Variants in PRICKLE1 observed in about 807,000 individuals in gnomAD.
PRICKLE1 encodes the protein prickle planar cell polarity protein 1.
A neutral mutation model predicts 70.2 loss-of-function variants in PRICKLE1; 14 were observed. That is an observed-to-expected ratio of 0.20 (90% confidence interval 0.13 to 0.31). The LOEUF (loss-of-function observed/expected upper bound fraction) is 0.31, where lower values mean the gene tolerates loss of function less well. Ranked by LOEUF, PRICKLE1 falls within the 10% of genes least tolerant of loss-of-function variation. PRICKLE1 has a pLI of 1.00. For synonymous variants in PRICKLE1, 357 were observed against 379.9 expected (o/e 0.94, Z 0.70); for missense variants, 821 against 1,026.2 (o/e 0.80, Z 2.73).
intron 1 of PRICKLE1, among the ~76,000 whole-genome samples, chr12:42,564,212 C>A (rs145902679): frequency 7.3e-6 from 1 of 136,148 alleles, no homozygotes; most frequent in Non-Finnish European, 1.5e-5. Context: ...GCCAAGATCA[C>A]GCCACTGCAC....
intron 1 of PRICKLE1, among the ~76,000 whole-genome samples, chr12:42,503,615 T>C (rs1939354398): frequency 6.6e-6 from 1 of 152,226 alleles, no homozygotes; most frequent in African/African-American, 2.4e-5. Context: ...CTGACTTCAA[T>C]ACTTGTTCTA....
intron 1 of PRICKLE1, among the ~76,000 whole-genome samples, chr12:42,582,037 A>C (rs1051889430): frequency 3.9e-5 from 6 of 152,356 alleles, no homozygotes; most frequent in Admixed American, 3.9e-4. Flanking sequence ...GGTTAAAAAA[A>C]ATATGTTCCC....
At position 42,516,299 on chromosome 12, in the gene PRICKLE1, G is replaced by A. The variant is rs538077891; in HGVS notation, c.-48-43735C>T. 1.1e-3 allele frequency among the ~76,000 whole-genome samples: 164 copies of A among 151,954 alleles called. 1 individual carries two copies. The highest frequency in any genetic ancestry group is 3.8e-3 in the African/African-American group (156 of 41,462). On this transcript the variant is annotated intron_variant, in intron 1 of 7. Coordinates refer to ENST00000345127, the MANE Select transcript of PRICKLE1 (RefSeq NM_153026.3). ...GGTGCCCACCACCACGCCTGGCTAA[G>A]TTTTTGTATTTTTTAGTAGAGACGG...
At chr12:42,466,861 T>C (rs1938113533) in intron 5 of PRICKLE1, among the ~76,000 whole-genome samples, 1 of 152,224 alleles carries the variant, frequency 6.6e-6, no homozygotes, top group South Asian at 2.1e-4. Flanking sequence ...TTTGACTTGG[T>C]GGCCATCTCT....
chr12:42,483,229 G>T (rs1431790435), intron 1 of PRICKLE1: 1 of 152,420 alleles, frequency 6.6e-6, no homozygotes, highest in African/African-American at 2.4e-5. Flanking sequence ...GCGGCTGGAC[G>T]GTGGGGCCGA....
chr12:42,569,462 C>A (rs1940672841), intron 1 of PRICKLE1, among the ~76,000 whole-genome samples: 1 of 152,192 alleles, frequency 6.6e-6, no homozygotes, highest in South Asian at 2.1e-4. Flanking sequence ...TGCCTCCTTT[C>A]TTCCTGTTGG....
intron 1 of PRICKLE1, chr12:42,490,065 A>G (rs1371802586): frequency 1.3e-5 from 2 of 152,252 alleles, no homozygotes; most frequent in Non-Finnish European, 2.9e-5. Flanking sequence ...CAAAAAAGTG[A>G]GGAAAATAAA....
At chr12:42,469,694 C>T (rs1249218393) in intron 3 of PRICKLE1, 107 bp from the exon 4 acceptor site, 12 of 1,437,968 alleles carry the variant, frequency 8.3e-6, no homozygotes, top group Admixed American at 7.0e-5. Flanking sequence ...AAGTTTAGCT[C>T]GCCTGTGTCA....
intron 1 of PRICKLE1, among the ~76,000 whole-genome samples, chr12:42,519,193 CTTTTTTTTT>C (rs11342397): frequency 2.0e-5 from 2 of 99,190 alleles, no homozygotes; most frequent in Non-Finnish European, 3.8e-5. Context: ...CCTTTTTTTC[CTTTTTTTTT>C]TTTTTTTTTT....
At chr12:42,479,389 T>C (rs1938705449) in intron 1 of PRICKLE1, among the ~76,000 whole-genome samples, 3 of 152,314 alleles carry the variant, frequency 2.0e-5, no homozygotes, top group East Asian at 3.9e-4. Flanking sequence ...ACCATACACA[T>C]AGCGTGTGTG....
chr12:42,502,399 C>G (rs972531434), intron 1 of PRICKLE1, among the ~76,000 whole-genome samples: 2 of 151,876 alleles, frequency 1.3e-5, no homozygotes, highest in Non-Finnish European at 2.9e-5. Flanking sequence ...CCTCAAACTC[C>G]TGGGCTCAAG....
intron 1 of PRICKLE1, among the ~76,000 whole-genome samples, chr12:42,519,758 G>A (rs993102977): frequency 1.3e-5 from 2 of 152,192 alleles, no homozygotes; most frequent in African/African-American, 2.4e-5. Context: ...GGGGTGGGCT[G>A]AGGCTGGGTA....
chr12:42,469,074 C>A (rs1938216713), intron 4 of PRICKLE1, among the ~76,000 whole-genome samples: 1 of 152,148 alleles, frequency 6.6e-6, no homozygotes, highest in Non-Finnish European at 1.5e-5. Flanking sequence ...AGTGGTTTTC[C>A]TGTGCCAGCC....
In PRICKLE1 at chr12:42,476,382, ATGTTGGT is replaced by A. The variant is rs1215902406; in HGVS notation, c.-48-3825_-48-3819del. 6.2e-4 allele frequency among the ~76,000 whole-genome samples: 94 copies of A among 151,826 alleles called. 1 individual carries two copies. The highest frequency in any genetic ancestry group is 1.9e-3 in the African/African-American group (77 of 41,430). On this transcript the variant is annotated intron_variant, in intron 1 of 7. Coordinates refer to ENST00000345127, the MANE Select transcript of PRICKLE1 (RefSeq NM_153026.3). The stretch of plus-strand genomic sequence containing the variant: ...TTTTTAGTAGAGACGGGGTTTCTCC[ATGTTGGT>A]CAGGCTGGTCTTGAACTCCTGACCT...
chr12:42,580,559 C>T lies in PRICKLE1; in HGVS notation c.-49+8906G>A, dbSNP rs150327074. Among the ~76,000 whole-genome samples the T allele has an allele frequency of 3.3e-5, 5 of 152,082 alleles. No homozygotes were observed. The East Asian group carries it at 5.8e-4, about 18-fold the overall frequency. ...GTTTTAAATTGGGAGATACTTTGTG[C>T]GAGAGGTGTTTGCAAGTTGACAAAA... On this transcript the variant is annotated intron_variant, in intron 1 of 7. Transcript: ENST00000345127.
chr12:42,475,591 C>T lies in PRICKLE1; in HGVS notation c.-48-3027G>A, dbSNP rs1487688494. ...CCTGCGCTGCAGACACACAAAATGA[C>T]ACAACTGGAAGGTAGTCCACTTTAC... On this transcript the variant is annotated intron_variant, in intron 1 of 7. Coordinates refer to ENST00000345127, the MANE Select transcript of PRICKLE1 (RefSeq NM_153026.3). Among the ~76,000 whole-genome samples the T allele has an allele frequency of 2.6e-5, 4 of 152,130 alleles. No individual in the cohort carries two copies. The East Asian group carries it at 7.7e-4, about 29-fold the overall frequency.
Position 42,481,432 on chromosome 12 carries a change from T to A in PRICKLE1, c.-48-8868A>T, listed in dbSNP as rs28673006. Among the ~76,000 whole-genome samples the A allele has an allele frequency of 4.0e-3, 608 of 152,328 alleles. 5 individuals carry two copies. Among genetic ancestry groups the A allele is most frequent in the African/African-American group, 0.013 (552 of 41,582 alleles). On this transcript the variant is annotated intron_variant, in intron 1 of 7. Transcript: ENST00000345127. Reference sequence around the variant, plus strand: ...TGAAAAAGTATTTCTTGTGTGAACATGCCCAGGGAAGTTAGAAATCCTCTG... The same window carrying A: ...TGAAAAAGTATTTCTTGTGTGAACAAGCCCAGGGAAGTTAGAAATCCTCTG...
At chr12:42,564,586 C>T (rs531162738) in intron 1 of PRICKLE1, among the ~76,000 whole-genome samples, 3 of 151,856 alleles carry the variant, frequency 2.0e-5, no homozygotes, top group Non-Finnish European at 2.9e-5. Flanking sequence ...TCAGCCTGGG[C>T]GACAAGAGTG....
At chr12:42,508,169 G>T (rs1327849634) in intron 1 of PRICKLE1, among the ~76,000 whole-genome samples, 1 of 151,384 alleles carries the variant, frequency 6.6e-6, no homozygotes, top group Non-Finnish European at 1.5e-5. Context: ...GAAGGAGGGG[G>T]GAACAGGAAA....
Sources: gnomAD v4.1 joint callset for allele counts (sites outside exome capture counted in the v4.1 genomes callset) on GRCh38, gnomAD v4.1.1 for gene constraint, MANE v1.5 for transcripts, NCBI Gene and HGNC (gene_info 2026-07-23, HGNC 2026-07-21) for gene names.